Variants in RASSF6 observed in about 807,000 individuals in gnomAD.
RASSF6 encodes Ras association domain family member 6.
A neutral mutation model predicts 44.0 loss-of-function variants in RASSF6; 52 were observed. That is an observed-to-expected ratio of 1.18 (90% CI 0.95 to 1.49). The LOEUF (loss-of-function observed/expected upper bound fraction) is 1.49, where lower values mean the gene tolerates loss of function less well. Ranked by LOEUF, RASSF6 falls within the 40% of genes most tolerant of loss-of-function variation. The pLI is 0.00. For missense variants in RASSF6, 464 were observed against 393.3 expected (o/e 1.18, Z -1.52); for synonymous variants, 162 against 124.6 (o/e 1.30, Z -2.00).
intron 2 of RASSF6, among the ~76,000 whole-genome samples, chr4:73,606,987 C>G (rs894732379): frequency 6.6e-6 from 1 of 152,182 alleles, no homozygotes; most frequent in Non-Finnish European, 1.5e-5. Context: ...AAACGGGAGA[C>G]TTCCTGACAC....
intron 8 of RASSF6, among the ~76,000 whole-genome samples, chr4:73,579,349 A>G (rs1723454478): frequency 6.6e-6 from 1 of 152,226 alleles, no homozygotes; most frequent in Admixed American, 6.5e-5. Context: ...AAATTTTAAT[A>G]AATATTGCAA....
intron 8 of RASSF6, among the ~76,000 whole-genome samples, chr4:73,579,620 T>A (rs1407081326): frequency 6.6e-6 from 1 of 152,136 alleles, no homozygotes; most frequent in Non-Finnish European, 1.5e-5. Context: ...TTTTTTCTAT[T>A]TTTATCGGAT....
rs1726042795 is a variant in RASSF6 at position 73,611,897 on chromosome 4, T to C, written c.-34-68A>G. ...TTAAAAAATTAGTTTCTGATTTAAG[T>C]TGAGTGTTTTGTTGTGTCTCTAGAG... is the stretch of plus-strand genomic sequence containing the variant. On this transcript the variant is annotated intron_variant, in intron 1 of 10. Coordinates refer to ENST00000307439, the MANE Select transcript of RASSF6 (RefSeq NM_177532.5). 3 of 1,118,082 alleles carry C rather than the reference T, an allele frequency of 2.7e-6. No homozygotes were observed. In the East Asian group the frequency reaches 7.3e-5, roughly 27 times the overall value. The allele number at this position is 1,118,082 out of a possible 1,614,324, so 69.3% of individuals were successfully genotyped here.
intron 2 of RASSF6, among the ~76,000 whole-genome samples, chr4:73,606,689 C>T (rs1312153989): frequency 6.6e-6 from 1 of 151,444 alleles, no homozygotes; most frequent in East Asian, 1.9e-4. Context: ...AGGTGTGCCA[C>T]ACAACAGTAA....
chr4:73,617,604 T>G (rs1726445842), intron 1 of RASSF6, among the ~76,000 whole-genome samples: 1 of 152,208 alleles, frequency 6.6e-6, no homozygotes, highest in African/African-American at 2.4e-5. Context: ...CTTAAGCTCC[T>G]TTACTAGGCT....
intron 5 of RASSF6, among the ~76,000 whole-genome samples, chr4:73,587,208 ACAT>A (rs1724165694): frequency 6.6e-6 from 1 of 152,096 alleles, no homozygotes; most frequent in South Asian, 2.1e-4. Context: ...TATTACTCTC[ACAT>A]CATCACCATT....
Position 73,576,452 on chromosome 4 carries a change from A to C in RASSF6, c.896T>G (p.Leu299Ter). The change falls in exon 10 of 11, where the codon TTA (leucine) becomes TGA (stop). Residue 299 changes from leucine (L) to a stop codon, truncating the protein, a stop_gained. Coordinates refer to ENST00000307439, the MANE Select transcript of RASSF6 (RefSeq NM_177532.5). LOFTEE classifies it high-confidence loss of function. ...FSLLESILQRLNEEEKREIQR... is the reference protein window; with the variant it reads ...FSLLESILQR ...AATCTCTCTTTTCTCTTCTTCATTTAATCTTTGAAGAATGGATTCCAAGAG... is the reference window on the plus strand; with the variant it reads ...AATCTCTCTTTTCTCTTCTTCATTTCATCTTTGAAGAATGGATTCCAAGAG... The C allele has an allele frequency of 6.3e-7, 1 of 1,585,348 alleles. No homozygotes were observed.
At chr4:73,587,654 A>G (rs1724200864) in intron 5 of RASSF6, among the ~76,000 whole-genome samples, 186 bp downstream of exon 5, 1 of 152,018 alleles carries the variant, frequency 6.6e-6, no homozygotes, top group South Asian at 2.1e-4. Context: ...GTTCTTAAAC[A>G]TCATACAAGC....
At position 73,587,884 on chromosome 4, in the gene RASSF6, T is replaced by C; in HGVS notation, c.338A>G (p.Asp113Gly). The change falls in exon 5 of 11, where the codon GAC (aspartate) becomes GGC (glycine). Residue 113 changes from aspartate to glycine, a missense_variant. Physicochemically the swap from Asp to Gly is moderately conservative, Grantham distance 94 (BLOSUM62 -1). Transcript: ENST00000307439. ...TTCAGACATAGGAATCTGGGTCCTGTCCAGCTCACTAATACGATAGAGATC... is the reference window on the plus strand; with the variant it reads ...TTCAGACATAGGAATCTGGGTCCTGCCCAGCTCACTAATACGATAGAGATC... ...FDDLYRISEL[D>G]RTQIPMSEKR... 1 of 1,610,688 alleles carries C rather than the reference T, an allele frequency of 6.2e-7. No individual in the cohort carries two copies. Among genetic ancestry groups the C allele is most frequent in the Non-Finnish European group, 8.5e-7 (1 of 1,177,606 alleles).
chr4:73,612,122 G>T (rs1528921), intron 1 of RASSF6, among the ~76,000 whole-genome samples: 150,177 of 152,284 alleles, frequency 0.99, 74,077 homozygotes, highest in East Asian at 1. Context: ...GTATAAGGGA[G>T]CATATTCCTT....
chr4:73,605,729 C>T (rs1369338902), intron 2 of RASSF6, among the ~76,000 whole-genome samples: 1 of 152,190 alleles, frequency 6.6e-6, no homozygotes, highest in East Asian at 1.9e-4. Flanking sequence ...CTCACTCTTC[C>T]AACTTCAAAT....
chr4:73,588,818 C>CATCATA (rs1724307509), intron 4 of RASSF6, among the ~76,000 whole-genome samples: 1 of 151,368 alleles, frequency 6.6e-6, no homozygotes, highest in Non-Finnish European at 1.5e-5. Flanking sequence ...TCATCATCAT[C>CATCATA]ACCAGCATCT....
intron 8 of RASSF6, among the ~76,000 whole-genome samples, chr4:73,581,067 T>G (rs1723600994): frequency 6.7e-6 from 1 of 148,272 alleles, no homozygotes; most frequent in South Asian, 2.2e-4. Context: ...AACTTTAATT[T>G]TATATATGTT....
At chr4:73,620,236 A>T (rs1726612982) in intron 1 of RASSF6, 52 bp downstream of exon 1, 2 of 1,230,930 alleles carry the variant, frequency 1.6e-6, no homozygotes, top group Admixed American at 7.5e-5. Context: ...TGCCCTCAAC[A>T]TGACCCCAGG....
At position 73,611,785 on chromosome 4, in the gene RASSF6, A is replaced by G; in HGVS notation, c.11T>C (p.Met4Thr). 1 of 1,611,534 alleles carries G rather than the reference A, an allele frequency of 6.2e-7. No individual in the cohort carries two copies. Among genetic ancestry groups the G allele is most frequent in the Non-Finnish European group, 8.5e-7 (1 of 1,178,084 alleles). ...GATCCAAGAGGGGTACTGGTGAGCC[A>G]TCATAGTCATCTTTTCCTCCTTTTT... MTM[M>T]AHQYPSWIFI... The change falls in exon 2 of 11, where the codon ATG becomes ACG. Residue 4 changes from methionine to threonine, a missense_variant. Met to Thr is a moderately conservative substitution (Grantham distance 81, BLOSUM62 -1). Transcript: ENST00000307439.
At chr4:73,591,485 A>G (rs1724554604) in intron 4 of RASSF6, among the ~76,000 whole-genome samples, 1 of 152,224 alleles carries the variant, frequency 6.6e-6, no homozygotes, top group Non-Finnish European at 1.5e-5. Flanking sequence ...GGTAATATGA[A>G]GTATGGTAGT....
intron 8 of RASSF6, among the ~76,000 whole-genome samples, chr4:73,580,422 G>C (rs879481730): frequency 6.7e-6 from 1 of 150,036 alleles, no homozygotes; most frequent in East Asian, 2.0e-4. Flanking sequence ...GGTATTTCTA[G>C]TTCTAGATCC....
At position 73,573,765 on chromosome 4, in the gene RASSF6, C is replaced by T. The variant is rs1189873658; in HGVS notation, c.*2470G>A. On this transcript the variant is annotated 3_prime_UTR_variant, in exon 11 of 11. Coordinates refer to ENST00000307439, the MANE Select transcript of RASSF6 (RefSeq NM_177532.5). ...TTTACTTTGTACTTCGGTGGCATGT[C>T]AGTTATTATTTTACTGTCTCTCAGC... 6.6e-6 allele frequency: 1 copy of T among 152,162 alleles called. No homozygotes were observed. The highest frequency in any genetic ancestry group is 6.5e-5 in the Admixed American group (1 of 15,280). The allele number at this position is 152,162 out of a possible 1,614,324, so 9.4% of individuals were successfully genotyped here.
At chr4:73,609,862 A>G (rs1234864290) in intron 2 of RASSF6, among the ~76,000 whole-genome samples, 2 of 152,094 alleles carry the variant, frequency 1.3e-5, no homozygotes, top group African/African-American at 4.8e-5. Context: ...TTATGTTAGG[A>G]GGTCAGAAGT....
Sources: allele counts gnomAD v4.1 joint callset (sites outside exome capture counted in the v4.1 genomes callset), GRCh38; gene constraint gnomAD v4.1.1; transcripts MANE v1.5; gene names NCBI Gene and HGNC (gene_info 2026-07-23, HGNC 2026-07-21).